The following SYT3 variants were observed in gnomAD, a reference collection of about 807,000 sequenced individuals.
SYT3 encodes synaptotagmin 3.
In SYT3, 25 loss-of-function variants were observed where a neutral mutation model predicts 50.6. That is an observed-to-expected ratio of 0.49 (90% CI 0.36 to 0.69). The LOEUF (loss-of-function observed/expected upper bound fraction) is 0.69, where lower values mean the gene tolerates loss of function less well. SYT3 is among the 30% of genes least tolerant of loss of function. The pLI is 0.00. For missense variants in SYT3, 589 were observed against 793.6 expected (o/e 0.74, Z 3.10); for synonymous variants, 323 against 353.9 (o/e 0.91, Z 0.98).
the SYT3 span, chr19:50,656,074 C>T: frequency 1.2e-4 from 183 of 1,536,134 alleles, 1 homozygote; most frequent in Middle Eastern, 2.0e-3. Flanking sequence ...GACCTGGAGA[C>T]CCCAGAGGAG....
chr19:50,624,250 T>A (rs753790435), intron 9 of SYT3, among the ~76,000 whole-genome samples: 6 of 152,240 alleles, frequency 3.9e-5, no homozygotes, highest in Non-Finnish European at 8.8e-5. Flanking sequence ...ATTTCAGGCA[T>A]GAGCCACTGT....
In SYT3 at chr19:50,630,161, G is replaced by C. The variant is rs780081190; in HGVS notation, c.685C>G (p.Leu229Val). 3.8e-6 allele frequency: 6 copies of C among 1,559,764 alleles called. No individual in the cohort carries two copies. The South Asian group carries it at 6.1e-5, about 16-fold the overall frequency. The change falls in exon 5 of 11, where the codon CTG (leucine) becomes GTG (valine). Residue 229 changes from leucine (L) to valine (V), a missense_variant. By Grantham distance (32) the Leu-to-Val change is conservative. This residue lies in a region of SYT3 where 316 missense variants were observed against 354.3 expected (regional missense o/e 0.89). Transcript: ENST00000600079. ...SLAPTTRYPA[L>V]PRPLTQQTLT... The stretch of plus-strand genomic sequence containing the variant: ...GTCTGCTGGGTGAGGGGTCGGGGCA[G>C]GGCTGGGTACCTGTAGGGGGTTGGG...
the SYT3 span, among the ~76,000 whole-genome samples, chr19:50,656,781 G>A: frequency 1.1e-4 from 17 of 151,954 alleles, no homozygotes; most frequent in African/African-American, 2.2e-4. Flanking sequence ...GTGAAACCCC[G>A]TCTCTATTAA....
At chr19:50,652,870 C>A in the SYT3 span, among the ~76,000 whole-genome samples, 1 of 152,068 alleles carries the variant, frequency 6.6e-6, no homozygotes, top group African/African-American at 2.4e-5. Context: ...ATTGAGAACA[C>A]GCACACTGGA....
intron 3 of SYT3, among the ~76,000 whole-genome samples, chr19:50,634,441 C>T (rs1984426255): frequency 6.6e-6 from 1 of 152,152 alleles, no homozygotes; most frequent in Non-Finnish European, 1.5e-5. Flanking sequence ...CATTATATAA[C>T]TTTGGAATGA....
the SYT3 span, among the ~76,000 whole-genome samples, chr19:50,650,096 C>G: frequency 3.3e-5 from 5 of 152,186 alleles, no homozygotes; most frequent in African/African-American, 7.2e-5. Context: ...CTACCTATCC[C>G]TCCATGGCTC....
At chr19:50,627,446 T>C (rs377431300) in intron 6 of SYT3, among the ~76,000 whole-genome samples, 2 of 152,172 alleles carry the variant, frequency 1.3e-5, no homozygotes, top group African/African-American at 4.8e-5. Context: ...GAAGGCTGGG[T>C]GCAGTGGCTG....
chr19:50,649,530 G>C, the SYT3 span: 3 of 1,535,850 alleles, frequency 2.0e-6, no homozygotes, highest in Non-Finnish European at 2.6e-6. Flanking sequence ...CTGTGTCTTT[G>C]GGGGAAGGGG....
intron 3 of SYT3, among the ~76,000 whole-genome samples, chr19:50,634,984 C>T (rs1023404975): frequency 1.3e-5 from 2 of 151,984 alleles, no homozygotes; most frequent in African/African-American, 2.4e-5. Context: ...GATCTTGGCT[C>T]ACTGCAAGCT....
At chr19:50,650,752 T>C in the SYT3 span, among the ~76,000 whole-genome samples, 2 of 152,314 alleles carry the variant, frequency 1.3e-5, no homozygotes, top group African/African-American at 4.8e-5. Flanking sequence ...GCTCAAGTGA[T>C]CCTCCCACCT....
chr19:50,656,221 C>T, the SYT3 span: 1 of 1,536,070 alleles, frequency 6.5e-7, no homozygotes, highest in Non-Finnish European at 8.7e-7. Context: ...TCGCTCTCTC[C>T]CTAGAAAGCA....
the SYT3 span, among the ~76,000 whole-genome samples, chr19:50,655,090 T>C: frequency 3.9e-5 from 6 of 152,180 alleles, no homozygotes; most frequent in African/African-American, 1.4e-4. Flanking sequence ...TCACTCCAGC[T>C]AACACTTCAT....
At chr19:50,650,513 A>G in the SYT3 span, among the ~76,000 whole-genome samples, 1 of 152,210 alleles carries the variant, frequency 6.6e-6, no homozygotes, top group African/African-American at 2.4e-5. Flanking sequence ...ATCTCTAAAA[A>G]TACAAAAATT....
chr19:50,628,000 G>A (rs967624231), intron 6 of SYT3, among the ~76,000 whole-genome samples: 5 of 152,182 alleles, frequency 3.3e-5, no homozygotes, highest in Non-Finnish European at 7.4e-5. Flanking sequence ...AGGCTGGGGA[G>A]GGCCCCATGA....
At chr19:50,657,167 C>G in the SYT3 span, among the ~76,000 whole-genome samples, 1 of 152,132 alleles carries the variant, frequency 6.6e-6, no homozygotes, top group African/African-American at 2.4e-5. Context: ...TAGGTGCTTA[C>G]TGTGTGCCAG....
chr19:50,630,000 G>A lies in SYT3; in HGVS notation c.846C>T (p.Gly282=), dbSNP rs867627018. The change falls in exon 5 of 11, where the codon GGC becomes GGT. Residue 282 remains glycine, a synonymous_variant. Transcript: ENST00000600079. ...PELYQGTGPG[G]RRSGGGPGSG... ...AGCCTGGGCCCCCACCGCTCCGCCG[G>A]CCACCAGGGCCAGTCCCCTGGTACA... 2 of 1,613,744 alleles carry A rather than the reference G, an allele frequency of 1.2e-6. No individual in the cohort carries two copies. The highest frequency in any genetic ancestry group is 1.1e-5 in the South Asian group (1 of 91,054).
chr19:50,627,281 C>T (rs976230365), intron 6 of SYT3, among the ~76,000 whole-genome samples: 2 of 152,192 alleles, frequency 1.3e-5, no homozygotes, highest in Non-Finnish European at 2.9e-5. Context: ...CCACAAGCTC[C>T]CAGATCCCCC....
At position 50,628,768 on chromosome 19, in the gene SYT3, T is replaced by C. The variant is rs1430496443; in HGVS notation, c.1281+526A>G. Among the ~76,000 whole-genome samples, 3 of 151,214 alleles carry C rather than the reference T, an allele frequency of 2.0e-5. No individual in the cohort carries two copies. The East Asian group carries it at 5.8e-4, about 29-fold the overall frequency. On this transcript the variant is annotated intron_variant, in intron 6 of 10. Transcript: ENST00000600079. ...GTTGGAAAATCGGATCCAGACCTGATGCTAACATTTGGCGATGTTGAGGAG... is the reference window on the plus strand; with the variant it reads ...GTTGGAAAATCGGATCCAGACCTGACGCTAACATTTGGCGATGTTGAGGAG...
At chr19:50,639,998 A>G (rs544861617), upstream of SYT3, among the ~76,000 whole-genome samples, 5 of 152,174 alleles carry the variant, frequency 3.3e-5, no homozygotes, top group Non-Finnish European at 5.9e-5. This position sits in a 1 kb window ranked among gnomAD's most constrained non-coding sequence, Gnocchi z 4.6. Flanking sequence ...CCCGGGACTA[A>G]GGCAGCAGAG....
Sources: allele counts gnomAD v4.1 joint callset (sites outside exome capture counted in the v4.1 genomes callset), GRCh38; gene constraint gnomAD v4.1.1; regional missense constraint gnomAD v4.1.1; non-coding constraint Gnocchi (gnomAD v3.1); transcripts MANE v1.5; gene names NCBI Gene and HGNC (gene_info 2026-07-23, HGNC 2026-07-21).